PCDH15: variants seen among roughly 807,000 people sequenced by gnomAD.
PCDH15 encodes the protein protocadherin-15.
Under a neutral mutation model 178.5 loss-of-function variants are expected in PCDH15, and 129 were observed. The observed-to-expected ratio is 0.72, with a 90% confidence interval of 0.63 to 0.84. PCDH15 has a LOEUF of 0.84. Ranked by LOEUF, PCDH15 falls within the 40% of genes least tolerant of loss-of-function variation. The pLI, the probability that PCDH15 is intolerant of heterozygous loss-of-function variation, is 0.00. For synonymous variants in PCDH15, 800 were observed against 732.0 expected (o/e 1.09, Z -1.50); for missense variants, 2,230 against 2,099.9 (o/e 1.06, Z -1.21).
intron 1 of PCDH15, among the ~76,000 whole-genome samples, chr10:55,233,327 G>A (rs544911124): frequency 1.3e-4 from 19 of 151,990 alleles, no homozygotes; most frequent in African/African-American, 4.6e-4. Flanking sequence ...AACACTTTTC[G>A]GTGTATGTTT....
intron 21 of PCDH15, among the ~76,000 whole-genome samples, chr10:53,976,146 A>C (rs1397759536): frequency 6.6e-6 from 1 of 152,154 alleles, no homozygotes; most frequent in Non-Finnish European, 1.5e-5. Flanking sequence ...TTGTACCAGT[A>C]CCGTGTTGTT....
intron 18 of PCDH15, among the ~76,000 whole-genome samples, chr10:54,037,253 G>A (rs2093436958): frequency 6.6e-6 from 1 of 151,814 alleles, no homozygotes; most frequent in African/African-American, 2.4e-5. Flanking sequence ...CTCCAATTCT[G>A]AAAAAAACTT....
chr10:55,472,592 G>A (rs559968656), intron 2 of PCDH15, among the ~76,000 whole-genome samples: 43 of 151,732 alleles, frequency 2.8e-4, no homozygotes, highest in African/African-American at 9.2e-4. Flanking sequence ...GTTTTGAGAC[G>A]GAGTCTCGCT....
chr10:54,375,821 T>C (rs1333143427), intron 4 of PCDH15, among the ~76,000 whole-genome samples: 2 of 116,240 alleles, frequency 1.7e-5, no homozygotes, highest in Non-Finnish European at 3.7e-5. Context: ...AATAAAAATA[T>C]ATTTTTGAAA....
chr10:55,151,234 A>C (rs1462165857), intron 2 of PCDH15, among the ~76,000 whole-genome samples: 5 of 152,116 alleles, frequency 3.3e-5, no homozygotes, highest in Non-Finnish European at 7.4e-5. Flanking sequence ...TTTTGAGTCT[A>C]TTGAAAATTT....
intron 1 of PCDH15, among the ~76,000 whole-genome samples, chr10:54,690,463 C>T (rs566918516): frequency 1.1e-4 from 16 of 151,736 alleles, no homozygotes; most frequent in African/African-American, 3.1e-4. Flanking sequence ...TACAGGAGCA[C>T]GCCACCACTT....
At chr10:54,565,124 T>C (rs1009627663) in intron 2 of PCDH15, among the ~76,000 whole-genome samples, 3 of 152,194 alleles carry the variant, frequency 2.0e-5, no homozygotes, top group African/African-American at 7.2e-5. Context: ...TAATCACATC[T>C]TTAGAATTGA....
intron 2 of PCDH15, among the ~76,000 whole-genome samples, chr10:55,515,708 C>A (rs1019527581): frequency 2.0e-5 from 3 of 151,550 alleles, no homozygotes; most frequent in Non-Finnish European, 2.9e-5. Context: ...CCAAAAAGGT[C>A]GAGAAATGCC....
At chr10:55,166,037 T>C (rs1839188213) in intron 2 of PCDH15, among the ~76,000 whole-genome samples, 1 of 152,150 alleles carries the variant, frequency 6.6e-6, no homozygotes, top group African/African-American at 2.4e-5. Context: ...TCCAATGTTA[T>C]AAAAGCTATT....
chr10:55,598,907 G>A (rs4612709), intron 2 of PCDH15, among the ~76,000 whole-genome samples: 103,726 of 151,690 alleles, frequency 0.68, 35,774 homozygotes, highest in African/African-American at 0.77. Flanking sequence ...GCTTACACCC[G>A]GAAGATTTCA....
chr10:55,145,164 G>A (rs773738472), intron 2 of PCDH15, among the ~76,000 whole-genome samples: 74 of 151,808 alleles, frequency 4.9e-4, no homozygotes, highest in African/African-American at 1.0e-3. Flanking sequence ...TTAGATTTGT[G>A]CAATTTATTT....
intron 7 of PCDH15, among the ~76,000 whole-genome samples, chr10:54,324,343 GA>G (rs2061799561): frequency 1.3e-5 from 2 of 151,974 alleles, no homozygotes; most frequent in African/African-American, 4.8e-5. Flanking sequence ...ATAATTTTAG[GA>G]ATTATATCTT....
chr10:54,931,884 A>G (rs760435531), intron 2 of PCDH15, among the ~76,000 whole-genome samples: 2 of 152,178 alleles, frequency 1.3e-5, no homozygotes, highest in Non-Finnish European at 2.9e-5. Context: ...ATCATTAAGT[A>G]AAGAGCAAAT....
chr10:54,238,768 GA>G (rs200163724), intron 8 of PCDH15, among the ~76,000 whole-genome samples: 20 of 146,794 alleles, frequency 1.4e-4, no homozygotes, highest in African/African-American at 4.5e-4. Context: ...TCCCTAAACT[GA>G]AAAAAAAATC....
rs540564042 is a variant in PCDH15 at position 55,524,104 on chromosome 10, T to C, written c.-156+103521A>G. Among the ~76,000 whole-genome samples the C allele has an allele frequency of 9.9e-5, 15 of 151,658 alleles. No individual in the cohort carries two copies. The South Asian group carries it at 2.7e-3, about 27-fold the overall frequency. On this transcript the variant is annotated intron_variant, in intron 2 of 5. Transcript: ENST00000613346. The stretch of plus-strand genomic sequence containing the variant: ...TTTCTAAAAATAGCTACCTTGTAAT[T>C]CAAAGCTACTTTCTTATTCTTTATT...
At position 55,235,829 on chromosome 10, in the gene PCDH15, C is replaced by T. The variant is rs549724325; in HGVS notation, c.-155-69178G>A. ...GGCTGAGGCAGGAGAATTGCTTGAA[C>T]CCGGGAGGTGGAGGTTGCAGTGAGC... On this transcript the variant is annotated intron_variant, in intron 1 of 5. Transcript: ENST00000458638. Among the ~76,000 whole-genome samples the T allele has an allele frequency of 8.7e-5, 13 of 149,060 alleles. No homozygotes were observed. In the South Asian group the frequency reaches 2.8e-3, roughly 32 times the overall value.
chr10:54,279,842 A>C (rs1355949588), intron 8 of PCDH15, among the ~76,000 whole-genome samples: 4 of 151,746 alleles, frequency 2.6e-5, no homozygotes. Flanking sequence ...GTGACTGCGC[A>C]TGGTAGACAT....
chr10:55,269,072 C>A (rs1222757912), intron 1 of PCDH15, among the ~76,000 whole-genome samples: 1 of 152,046 alleles, frequency 6.6e-6, no homozygotes, highest in Non-Finnish European at 1.5e-5. Context: ...AAGCTTTCAA[C>A]ATAATCCAAC....
chr10:54,302,121 A>C (rs2060183553), intron 8 of PCDH15, among the ~76,000 whole-genome samples: 1 of 152,206 alleles, frequency 6.6e-6, no homozygotes. Context: ...ATAGATAATA[A>C]TGAATAGCAG....
Sources: allele counts gnomAD v4.1 joint callset (sites outside exome capture counted in the v4.1 genomes callset), GRCh38; gene constraint gnomAD v4.1.1; transcripts MANE v1.5; gene names NCBI Gene and HGNC (gene_info 2026-07-23, HGNC 2026-07-21).